RFX7: variants seen among roughly 807,000 people sequenced by gnomAD.
RFX7 encodes the protein regulatory factor X7.
In RFX7, 26 loss-of-function variants were observed where a neutral mutation model predicts 111.8. The observed-to-expected ratio is 0.23, with a 90% CI of 0.17 to 0.32. The LOEUF (loss-of-function observed/expected upper bound fraction) is 0.32. Ranked by LOEUF, RFX7 falls within the 10% of genes least tolerant of loss-of-function variation. The probability of loss-of-function intolerance (pLI) is 1.00; values close to 1 mark genes in which losing one functional copy is unlikely to be tolerated. For synonymous variants in RFX7, 624 were observed against 624.4 expected (o/e 1.00, Z 0.01); for missense variants, 1,573 against 1,772.9 (o/e 0.89, Z 2.02).
At chr15:56,221,289 A>C (rs567213540) in intron 2 of RFX7, among the ~76,000 whole-genome samples, 12 of 152,338 alleles carry the variant, frequency 7.9e-5, no homozygotes, top group African/African-American at 1.2e-4. Context: ...TTTAAAAAAC[A>C]TTAATTCTTC....
intron 2 of RFX7, among the ~76,000 whole-genome samples, chr15:56,194,743 T>G (rs922512837): frequency 2.2e-4 from 33 of 152,088 alleles, no homozygotes; most frequent in Admixed American, 4.6e-4. Context: ...ATTCACTTAC[T>G]TTGTCTTCTT....
chr15:56,102,905 A>G (rs2041776105), intron 6 of RFX7, among the ~76,000 whole-genome samples: 2 of 152,200 alleles, frequency 1.3e-5, no homozygotes, highest in Admixed American at 6.5e-5. Context: ...ATGTAATTCT[A>G]ATATGATACA....
At chr15:56,111,163 G>A (rs1360346709) in intron 5 of RFX7, among the ~76,000 whole-genome samples, 1 of 140,368 alleles carries the variant, frequency 7.1e-6, no homozygotes, top group Admixed American at 7.2e-5. Context: ...ACAGCTCATT[G>A]AGAACGGGCC....
At chr15:56,144,140 T>C (rs1046389515) in intron 4 of RFX7, among the ~76,000 whole-genome samples, 3 of 152,204 alleles carry the variant, frequency 2.0e-5, no homozygotes, top group Admixed American at 6.5e-5. Flanking sequence ...TGCATAAACA[T>C]AGTCATCTGT....
At chr15:56,212,777 T>G (rs1236950367) in intron 2 of RFX7, among the ~76,000 whole-genome samples, 1 of 152,010 alleles carries the variant, frequency 6.6e-6, no homozygotes, top group Non-Finnish European at 1.5e-5. Context: ...ATAGAGTATG[T>G]TAAAAATACT....
intron 5 of RFX7, among the ~76,000 whole-genome samples, chr15:56,117,046 A>G (rs1445424748): frequency 6.6e-6 from 1 of 152,198 alleles, no homozygotes; most frequent in African/African-American, 2.4e-5. Flanking sequence ...GTAAGAGGTT[A>G]TGAGGCAGGA....
intron 3 of RFX7, among the ~76,000 whole-genome samples, chr15:56,176,696 T>G (rs1335512518): frequency 1.3e-5 from 2 of 152,102 alleles, no homozygotes; most frequent in African/African-American, 4.8e-5. Flanking sequence ...TGCTTTAGAC[T>G]GAAAGGAATC....
In RFX7 at chr15:56,091,400, C is replaced by A. The variant is rs1196326875; in HGVS notation, c.*1945G>T. The A allele has an allele frequency of 6.6e-6, 1 of 152,448 alleles. No individual in the cohort carries two copies. The highest frequency in any genetic ancestry group is 1.5e-5 in the Non-Finnish European group (1 of 67,948). The allele number at this position is 152,448 out of a possible 1,614,324, so 9.4% of individuals were successfully genotyped here. A position where few individuals can be genotyped will look rare whatever the true frequency, so the allele number is the denominator to read the frequency against. Reference sequence around the variant, plus strand: ...AGAAAGTTTGCTGGACGAATTCAACCAAATTTAAAGAGTTTGCTGCAATAC... The same window carrying A: ...AGAAAGTTTGCTGGACGAATTCAACAAAATTTAAAGAGTTTGCTGCAATAC... On this transcript the variant is annotated 3_prime_UTR_variant, in exon 10 of 10. Coordinates refer to ENST00000559447, the MANE Select transcript of RFX7 (RefSeq NM_022841.7).
At chr15:56,127,866 CA>C (rs1427092420) in intron 5 of RFX7, among the ~76,000 whole-genome samples, 2 of 148,338 alleles carry the variant, frequency 1.3e-5, no homozygotes, top group African/African-American at 5.0e-5. Flanking sequence ...ACAAAACTAA[CA>C]AATGTTCAGC....
At chr15:56,227,585 C>T (rs1464064405) in intron 2 of RFX7, among the ~76,000 whole-genome samples, 1 of 152,046 alleles carries the variant, frequency 6.6e-6, no homozygotes, top group Admixed American at 6.6e-5. Flanking sequence ...AATCCAAGTC[C>T]ACTTTCAAAT....
At chr15:56,115,530 A>G (rs2041998882) in intron 5 of RFX7, among the ~76,000 whole-genome samples, 1 of 152,222 alleles carries the variant, frequency 6.6e-6, no homozygotes, top group Non-Finnish European at 1.5e-5. Context: ...TTTAAAGCAA[A>G]GACACACACA....
chr15:56,146,848 C>A (rs548752213), intron 3 of RFX7, among the ~76,000 whole-genome samples: 76 of 152,180 alleles, frequency 5.0e-4, no homozygotes, highest in African/African-American at 1.7e-3. Context: ...TAACAAAATT[C>A]TATAAAGCAA....
intron 2 of RFX7, among the ~76,000 whole-genome samples, chr15:56,219,125 TAGTTA>T (rs767000189): frequency 2.0e-5 from 3 of 152,232 alleles, no homozygotes; most frequent in Non-Finnish European, 2.9e-5. Context: ...CTTCTCCCTT[TAGTTA>T]AATCAGTTCT....
Position 56,091,379 on chromosome 15 carries a change from A to C in RFX7, c.*1966T>G, listed in dbSNP as rs1941144130. On this transcript the variant is annotated 3_prime_UTR_variant, in exon 10 of 10. Coordinates refer to ENST00000559447, the MANE Select transcript of RFX7 (RefSeq NM_022841.7). ...TTAGTGCAATATATGAACCCCAGAA[A>C]GTTTGCTGGACGAATTCAACCAAAT... 1 of 152,542 alleles carries C rather than the reference A, an allele frequency of 6.6e-6. No individual in the cohort carries two copies. Among genetic ancestry groups the C allele is most frequent in the Non-Finnish European group, 1.5e-5 (1 of 67,970 alleles). 9.4% of individuals were successfully genotyped at this position (152,542 alleles called of 1,614,324 possible). A position where few individuals can be genotyped will look rare whatever the true frequency, so the allele number is the denominator to read the frequency against.
chr15:56,207,509 AAATT>A (rs1175611732), intron 2 of RFX7, among the ~76,000 whole-genome samples: 1 of 152,240 alleles, frequency 6.6e-6, no homozygotes, highest in African/African-American at 2.4e-5. Context: ...CCTTACAGAA[AAATT>A]AACTCAAAAT....
Position 56,094,381 on chromosome 15 carries a change from G to A in RFX7, c.3347C>T (p.Thr1116Ile). 1.2e-6 allele frequency: 2 copies of A among 1,613,968 alleles called. No homozygotes were observed. The highest frequency in any genetic ancestry group is 1.1e-5 in the South Asian group (1 of 91,084). The change falls in exon 10 of 10, where the codon ACT becomes ATT. Residue 1116 changes from threonine (T) to isoleucine (I), a missense_variant. Around this residue, in one of 7 missense-constraint regions of RFX7, gnomAD observed 411 missense variants for 478.1 expected, o/e 0.86. Transcript: ENST00000559447. ...SYQSQSRHHD[T>I]HFGRLTPVSP... is the part of the protein sequence containing the mutation. The stretch of plus-strand genomic sequence containing the variant: ...GACAGGAGTCAAACGACCAAAATGA[G>A]TGTCATGATGTCTGGATTGAGACTG...
chr15:56,186,940 T>A (rs1421896695), intron 2 of RFX7, among the ~76,000 whole-genome samples: 1 of 152,226 alleles, frequency 6.6e-6, no homozygotes, highest in Non-Finnish European at 1.5e-5. Context: ...AAATTTTTAA[T>A]GTAATGTATT....
chr15:56,108,616 G>A (rs759083663), intron 5 of RFX7, among the ~76,000 whole-genome samples: 14 of 152,158 alleles, frequency 9.2e-5, no homozygotes, highest in Non-Finnish European at 1.0e-4. Context: ...AAAGCTGGAA[G>A]CATTCCTTTT....
chr15:56,185,620 G>C (rs1245097610), intron 2 of RFX7, among the ~76,000 whole-genome samples: 8 of 141,618 alleles, frequency 5.6e-5, no homozygotes, highest in African/African-American at 2.5e-4. Flanking sequence ...TTTCTTGGTA[G>C]TATATTCCTT....
Sources: allele counts gnomAD v4.1 joint callset (sites outside exome capture counted in the v4.1 genomes callset), GRCh38; gene constraint gnomAD v4.1.1; regional missense constraint gnomAD v4.1.1; transcripts MANE v1.5; gene names NCBI Gene and HGNC (gene_info 2026-07-23, HGNC 2026-07-21).